BNIP2: variants seen among roughly 807,000 people sequenced by gnomAD.
The protein encoded by BNIP2 is BCL2/adenovirus E1B 19 kDa protein-interacting protein 2.
Under a neutral mutation model 43.4 loss-of-function variants are expected in BNIP2, and 36 were observed. The observed-to-expected ratio is 0.83, with a 90% CI of 0.64 to 1.10. The LOEUF (loss-of-function observed/expected upper bound fraction) is 1.10. Ranked by LOEUF, BNIP2 falls within the 50% of genes least tolerant of loss-of-function variation. The pLI, the probability that BNIP2 is intolerant of heterozygous loss-of-function variation, is 0.00. For missense variants in BNIP2, 417 were observed against 374.1 expected (o/e 1.11, Z -0.95); for synonymous variants, 146 against 121.0 (o/e 1.21, Z -1.35).
Position 59,689,232 on chromosome 15 carries a change from CG to C in BNIP2, c.-156del. On this transcript the variant is annotated 5_prime_UTR_variant, in exon 1 of 10. Transcript: ENST00000607373. ...GCAAAAAGCAGGGCCGAGCGGAGCC[CG>C]CTCCCCTCGGTCGGCGGTGGAGACC... 1 of 1,541,842 alleles carries C rather than the reference CG, an allele frequency of 6.5e-7. No individual in the cohort carries two copies. Among genetic ancestry groups the C allele is most frequent in the South Asian group, 1.2e-5 (1 of 83,982 alleles).
chr15:59,675,685 T>C (rs1351693830), intron 5 of BNIP2, among the ~76,000 whole-genome samples: 1 of 152,210 alleles, frequency 6.6e-6, no homozygotes, highest in Non-Finnish European at 1.5e-5. Context: ...AAAGCAGTTT[T>C]GTTTATAACA....
At position 59,672,699 on chromosome 15, in the gene BNIP2, A is replaced by G. The variant is rs139971944; in HGVS notation, c.513T>C (p.Ala171=). ...GACTACTTTCAGGCATGAAACAGAC[A>G]GCAAACACAACAATGGCATTTAATC... ...GDGLNAIVVF[A]VCFMPESSQP... Residue 171 remains alanine, a synonymous_variant, in exon 6 of 10, where the codon GCT becomes GCC. Transcript: ENST00000607373. The G allele has an allele frequency of 1.2e-6, 2 of 1,613,938 alleles. No individual in the cohort carries two copies. Among genetic ancestry groups the G allele is most frequent in the South Asian group, 2.2e-5 (2 of 91,078 alleles).
At chr15:59,685,825 A>G (rs1173982460) in intron 1 of BNIP2, among the ~76,000 whole-genome samples, 1 of 152,218 alleles carries the variant, frequency 6.6e-6, no homozygotes, top group Non-Finnish European at 1.5e-5. Context: ...TTATCATCAA[A>G]CAGCTGTTAA....
chr15:59,679,940 G>T (rs1288737760), intron 3 of BNIP2, among the ~76,000 whole-genome samples, 172 bp from the exon 4 acceptor site: 1 of 151,994 alleles, frequency 6.6e-6, no homozygotes, highest in African/African-American at 2.4e-5. Context: ...CTTCTACATC[G>T]TTGGCAAGAG....
chr15:59,681,353 T>C (rs922307447), intron 2 of BNIP2, among the ~76,000 whole-genome samples: 1 of 152,030 alleles, frequency 6.6e-6, no homozygotes, highest in Non-Finnish European at 1.5e-5. Context: ...TAAATACAAA[T>C]GCAAACATGT....
chr15:59,669,125 T>G, intron 8 of BNIP2, 135 bp from the exon 9 acceptor site: 2 of 1,045,562 alleles, frequency 1.9e-6, no homozygotes, highest in East Asian at 2.6e-5. Flanking sequence ...AGGTGATGGA[T>G]GTACTAATCA....
In BNIP2 at chr15:59,688,670, C is replaced by T. The variant is rs1446770747; in HGVS notation, c.-58+465G>A. On this transcript the variant is annotated intron_variant, in intron 1 of 9. Coordinates refer to ENST00000607373, the MANE Select transcript of BNIP2 (RefSeq NM_004330.4). ...TTTGGTTTAGCGTACTAGGGAAGAT[C>T]TATTAAAGCCCTGATTACTTATGCT... is the stretch of plus-strand genomic sequence containing the variant. 3.3e-6 allele frequency: 5 copies of T among 1,519,814 alleles called. No homozygotes were observed. In the African/African-American group the frequency reaches 5.5e-5, roughly 17 times the overall value. The allele number at this position is 1,519,814 out of a possible 1,614,324, so 94.1% of individuals were successfully genotyped here. A position where few individuals can be genotyped will look rare whatever the true frequency, so the allele number is the denominator to read the frequency against.
At position 59,662,234 on chromosome 15, in the gene BNIP2, A is replaced by G. The variant is rs1359064806; in HGVS notation, c.*1835T>C. 1 of 152,258 alleles carries G rather than the reference A, an allele frequency of 6.6e-6. No homozygotes were observed. The highest frequency in any genetic ancestry group is 1.5e-5 in the Non-Finnish European group (1 of 68,050). The allele number at this position is 152,258 out of a possible 1,614,324, so 9.4% of individuals were successfully genotyped here. A position where few individuals can be genotyped will look rare whatever the true frequency, so the allele number is the denominator to read the frequency against. On this transcript the variant is annotated 3_prime_UTR_variant, in exon 10 of 10. Coordinates refer to ENST00000607373, the MANE Select transcript of BNIP2 (RefSeq NM_004330.4). ...GATGTACAGATGAAAGACTACGTTAAATCGTCTACAAATATAGAATCTAAT... is the reference window on the plus strand; with the variant it reads ...GATGTACAGATGAAAGACTACGTTAGATCGTCTACAAATATAGAATCTAAT...
At chr15:59,664,571 TG>T (rs1444374079) in intron 9 of BNIP2, among the ~76,000 whole-genome samples, 1 of 151,900 alleles carries the variant, frequency 6.6e-6, no homozygotes, top group Non-Finnish European at 1.5e-5. Flanking sequence ...TTAGTAGAGG[TG>T]GGGTTTCACC....
chr15:59,681,652 G>A (rs1209371486), intron 2 of BNIP2, among the ~76,000 whole-genome samples: 3 of 151,910 alleles, frequency 2.0e-5, no homozygotes, highest in African/African-American at 4.8e-5. Context: ...TCACCATGTT[G>A]GCCACGTTGG....
intron 9 of BNIP2, among the ~76,000 whole-genome samples, chr15:59,664,896 A>G (rs1428348992): frequency 6.6e-6 from 1 of 152,192 alleles, no homozygotes; most frequent in Admixed American, 6.5e-5. Flanking sequence ...TAGAACCCAT[A>G]ATTATTCTCC....
At position 59,678,492 on chromosome 15, in the gene BNIP2, T is replaced by C. The variant is rs142132233; in HGVS notation, c.296-405A>G. 111 of 1,068,356 alleles carry C rather than the reference T, an allele frequency of 1.0e-4. No homozygotes were observed. The African/African-American group carries it at 1.9e-3, about 18-fold the overall frequency. 66.2% of individuals were successfully genotyped at this position (1,068,356 alleles called of 1,614,324 possible). On this transcript the variant is annotated intron_variant, in intron 4 of 9. Coordinates refer to ENST00000607373, the MANE Select transcript of BNIP2 (RefSeq NM_004330.4). ...AGCTATCTGGGAGCCAATTTTGTTG[T>C]TGTTGAGCACATAAATTAACTGTAA...
Position 59,660,514 on chromosome 15 carries a change from GA to G in BNIP2, c.*3554del, listed in dbSNP as rs1164149226. On this transcript the variant is annotated 3_prime_UTR_variant, in exon 10 of 10. Transcript: ENST00000607373. ...ATGTCCTAATGCTAATTTATCACTT[GA>G]AGAAATATAAAAAGCCACTTCTGTA... The G allele has an allele frequency of 6.6e-6, 1 of 152,118 alleles. No homozygotes were observed. Among genetic ancestry groups the G allele is most frequent in the Non-Finnish European group, 1.5e-5 (1 of 68,026 alleles). 9.4% of individuals were successfully genotyped at this position (152,118 alleles called of 1,614,324 possible). A position where few individuals can be genotyped will look rare whatever the true frequency, so the allele number is the denominator to read the frequency against.
rs1892291352 is a variant in BNIP2, at chr15:59,661,815, T to TC, written c.*2253dup. 6.6e-6 allele frequency: 1 copy of TC among 152,244 alleles called. No homozygotes were observed. Among genetic ancestry groups the TC allele is most frequent in the African/African-American group, 2.4e-5 (1 of 41,468 alleles). The allele number at this position is 152,244 out of a possible 1,614,324, so 9.4% of individuals were successfully genotyped here. ...AAACAACAGACTTAATAAATGCTCT[T>TC]CCTCTAACCTACTATTATGATCTTA... On this transcript the variant is annotated 3_prime_UTR_variant, in exon 10 of 10. Coordinates refer to ENST00000607373, the MANE Select transcript of BNIP2 (RefSeq NM_004330.4).
At position 59,686,691 on chromosome 15, in the gene BNIP2, T is replaced by C. The variant is rs538036330; in HGVS notation, c.-58+2444A>G. 2.0e-5 allele frequency among the ~76,000 whole-genome samples: 3 copies of C among 152,304 alleles called. No individual in the cohort carries two copies. The South Asian group carries it at 6.2e-4, about 32-fold the overall frequency. Reference sequence around the variant, plus strand: ...TTGTCATTGCTCCCATGAGGGTAGTTTTCAAACAATGAAATGAACTGCTCT... The same window carrying C: ...TTGTCATTGCTCCCATGAGGGTAGTCTTCAAACAATGAAATGAACTGCTCT... On this transcript the variant is annotated intron_variant, in intron 1 of 9. Transcript: ENST00000607373.
Position 59,663,339 on chromosome 15 carries a change from T to C in BNIP2, c.*730A>G, listed in dbSNP as rs1057061. On this transcript the variant is annotated 3_prime_UTR_variant, in exon 10 of 10. Coordinates refer to ENST00000607373, the MANE Select transcript of BNIP2 (RefSeq NM_004330.4). ...ATACATATATACAAACCCTAATTCC[T>C]ACCCTCTTAAATCCTCTAGTTCTAA... 1 of 152,308 alleles carries C rather than the reference T, an allele frequency of 6.6e-6. No individual in the cohort carries two copies. Among genetic ancestry groups the C allele is most frequent in the African/African-American group, 2.4e-5 (1 of 41,440 alleles). 9.4% of individuals were successfully genotyped at this position (152,308 alleles called of 1,614,324 possible).
At chr15:59,677,764 G>A in intron 5 of BNIP2, 147 bp downstream of exon 5, 1 of 1,201,976 alleles carries the variant, frequency 8.3e-7, no homozygotes, top group Non-Finnish European at 1.1e-6. Context: ...TTAGCAGGAA[G>A]AAATGTCCTA....
At chr15:59,678,657 A>G in intron 4 of BNIP2, 1 of 1,181,092 alleles carries the variant, frequency 8.5e-7, no homozygotes, top group Non-Finnish European at 1.1e-6. Context: ...ATAAGCACCA[A>G]TGATTAAGTG....
intron 5 of BNIP2, among the ~76,000 whole-genome samples, chr15:59,674,101 C>G (rs2414641): frequency 7.1e-6 from 1 of 140,042 alleles, no homozygotes. Context: ...AAAAAAAAAA[C>G]AAAAACAAAA....
Sources: allele counts gnomAD v4.1 joint callset (sites outside exome capture counted in the v4.1 genomes callset), GRCh38; gene constraint gnomAD v4.1.1; transcripts MANE v1.5; gene names NCBI Gene and HGNC (gene_info 2026-07-23, HGNC 2026-07-21).